Variants in CADPS observed in about 807,000 individuals in gnomAD.
CADPS encodes the protein calcium-dependent secretion activator 1.
CADPS carries 57 observed loss-of-function variants against 167.3 expected under a neutral mutation model. That is an observed-to-expected ratio of 0.34 (90% confidence interval 0.28 to 0.42). The LOEUF (loss-of-function observed/expected upper bound fraction) is 0.42, where lower values mean the gene tolerates loss of function less well. Among genes scored for constraint, CADPS ranks in the 20% least tolerant of loss-of-function variants. The pLI is 1.00. For missense variants in CADPS, 1,414 were observed against 1,738.1 expected, an observed-to-expected ratio of 0.81 and a Z score of 3.32; for synonymous variants, 676 against 635.3, an observed-to-expected ratio of 1.06 and a Z score of -0.96.
chr3:62,795,368 A>G (rs1305188511), intron 1 of CADPS, among the ~76,000 whole-genome samples: 1 of 152,092 alleles, frequency 6.6e-6, no homozygotes, highest in African/African-American at 2.4e-5. Flanking sequence ...TCTTGTTAGC[A>G]TATGCCCTAG....
chr3:62,642,225 T>C (rs1369417178), intron 6 of CADPS, among the ~76,000 whole-genome samples: 1 of 152,084 alleles, frequency 6.6e-6, no homozygotes, highest in Non-Finnish European at 1.5e-5. Context: ...ATTTGAGTAA[T>C]AAACAAAACA....
chr3:62,424,736 AC>A (rs1230534054), intron 28 of CADPS, among the ~76,000 whole-genome samples: 1 of 152,224 alleles, frequency 6.6e-6, no homozygotes, highest in East Asian at 1.9e-4. Flanking sequence ...CATTACATGA[AC>A]CAGAATACTA....
At chr3:62,637,134 C>T (rs1348949313) in intron 6 of CADPS, among the ~76,000 whole-genome samples, 1 of 152,064 alleles carries the variant, frequency 6.6e-6, no homozygotes, top group Non-Finnish European at 1.5e-5. Context: ...TGAACTCAGC[C>T]CTTAACATAG....
At chr3:62,606,903 A>G (rs1304894702) in intron 6 of CADPS, among the ~76,000 whole-genome samples, 1 of 152,264 alleles carries the variant, frequency 6.6e-6, no homozygotes, top group Non-Finnish European at 1.5e-5. Context: ...AGCCAGATCC[A>G]GAACTGAAAG....
chr3:62,635,740 A>G (rs1286274771), intron 6 of CADPS, among the ~76,000 whole-genome samples: 3 of 151,206 alleles, frequency 2.0e-5, no homozygotes, highest in South Asian at 2.1e-4. Context: ...GATCTGCACT[A>G]TAATTATCTT....
At chr3:62,666,303 G>T (rs2074390648) in intron 3 of CADPS, among the ~76,000 whole-genome samples, 1 of 152,168 alleles carries the variant, frequency 6.6e-6, no homozygotes, top group Non-Finnish European at 1.5e-5. Flanking sequence ...AAATAGCTTG[G>T]CATGATAGAG....
chr3:62,590,948 G>A (rs1185238806), intron 7 of CADPS, among the ~76,000 whole-genome samples: 3 of 152,122 alleles, frequency 2.0e-5, no homozygotes, highest in East Asian at 3.9e-4. Flanking sequence ...TCTGCCTCCC[G>A]GGTTCAAGTG....
chr3:62,667,478 G>T (rs2074679040), intron 3 of CADPS, among the ~76,000 whole-genome samples: 1 of 152,014 alleles, frequency 6.6e-6, no homozygotes, highest in African/African-American at 2.4e-5. Context: ...TTCAGCTATT[G>T]TGTTTCAGGA....
intron 1 of CADPS, among the ~76,000 whole-genome samples, chr3:62,782,453 G>A (rs1228287331): frequency 2.0e-5 from 3 of 152,144 alleles, no homozygotes; most frequent in South Asian, 2.1e-4. Context: ...TCTAGTTGAC[G>A]ATCATGAGGC....
rs2069774191 is a variant in CADPS, at chr3:62,650,348, T to A, written c.1203+499A>T. Among the ~76,000 whole-genome samples the A allele has an allele frequency of 2.0e-5, 3 of 152,296 alleles. No individual in the cohort carries two copies. The South Asian group carries it at 6.2e-4, about 32-fold the overall frequency. ...TGTGAAGAGAAATTATAGAGAAACT[T>A]ATTGACATGTTGAGCATTTTGCCAC... is the stretch of plus-strand genomic sequence containing the variant. On this transcript the variant is annotated intron_variant, in intron 5 of 29. Transcript: ENST00000383710.
intron 28 of CADPS, among the ~76,000 whole-genome samples, chr3:62,418,254 C>T (rs2050546081): frequency 6.6e-6 from 1 of 150,462 alleles, no homozygotes; most frequent in African/African-American, 2.4e-5. Context: ...TGTATTTTTC[C>T]TGTTTCTGAG....
At chr3:62,840,369 C>T (rs182603614) in intron 1 of CADPS, among the ~76,000 whole-genome samples, 6 of 152,240 alleles carry the variant, frequency 3.9e-5, no homozygotes, top group African/African-American at 1.4e-4. Flanking sequence ...CAGTTTACAA[C>T]AATGATTTAC....
intron 28 of CADPS, among the ~76,000 whole-genome samples, chr3:62,408,630 C>T (rs2048352427): frequency 6.6e-6 from 1 of 152,202 alleles, no homozygotes; most frequent in African/African-American, 2.4e-5. Flanking sequence ...GCGGTTATGT[C>T]TTCTGTCATG....
chr3:62,502,100 A>C (rs946824155), intron 17 of CADPS, among the ~76,000 whole-genome samples: 1 of 152,224 alleles, frequency 6.6e-6, no homozygotes, highest in African/African-American at 2.4e-5. Flanking sequence ...TGATTCCATC[A>C]TCTGTAGATC....
chr3:62,497,607 T>A (rs2065039048), intron 18 of CADPS, among the ~76,000 whole-genome samples: 1 of 152,246 alleles, frequency 6.6e-6, no homozygotes, highest in Non-Finnish European at 1.5e-5. Context: ...CACTCATGGC[T>A]GTGCGTTGCG....
chr3:62,615,418 GC>G (rs2062105842), intron 6 of CADPS, among the ~76,000 whole-genome samples: 1 of 152,168 alleles, frequency 6.6e-6, no homozygotes. Context: ...CAGTAACAAA[GC>G]ATCAGCTGAG....
intron 1 of CADPS, among the ~76,000 whole-genome samples, chr3:62,803,894 C>A (rs2093929944): frequency 6.6e-6 from 1 of 152,044 alleles, no homozygotes; most frequent in Non-Finnish European, 1.5e-5. Context: ...CTCAACAGAT[C>A]CCACTTTTCC....
intron 3 of CADPS, among the ~76,000 whole-genome samples, chr3:62,707,629 A>T (rs912708144): frequency 6.6e-6 from 1 of 152,194 alleles, no homozygotes; most frequent in African/African-American, 2.4e-5. Context: ...GCTACTGAGC[A>T]CTTGAAATAT....
intron 6 of CADPS, among the ~76,000 whole-genome samples, chr3:62,613,681 A>T (rs12629628): frequency 0.18 from 27,242 of 152,208 alleles, 2,572 homozygotes; most frequent in African/African-American, 0.23. Flanking sequence ...GCTAATAATC[A>T]GTTTTAGATA....
Sources: allele counts gnomAD v4.1 joint callset (sites outside exome capture counted in the v4.1 genomes callset), GRCh38; gene constraint gnomAD v4.1.1; transcripts MANE v1.5; gene names NCBI Gene and HGNC (gene_info 2026-07-23, HGNC 2026-07-21).